TMEM163: variants seen among roughly 807,000 people sequenced by gnomAD.
TMEM163 encodes the protein transmembrane protein 163.
TMEM163 carries 17 observed loss-of-function variants against 29.3 expected under a neutral mutation model. The ratio of observed to expected loss-of-function variants is 0.58; its 90% CI spans 0.40 to 0.87. The LOEUF is 0.87. TMEM163 is among the 40% of genes least tolerant of loss of function. The pLI is 0.00. For synonymous variants in TMEM163, 157 were observed against 160.6 expected, an observed-to-expected ratio of 0.98 and a Z score of 0.17; for missense variants, 303 against 381.5, an observed-to-expected ratio of 0.79 and a Z score of 1.71.
rs1288804726 is a variant in TMEM163 at position 134,618,255 on chromosome 2, T to C, written c.323-66164A>G. Among the ~76,000 whole-genome samples, 3 of 152,286 alleles carry C rather than the reference T, an allele frequency of 2.0e-5. No individual in the cohort carries two copies. The East Asian group carries it at 5.8e-4, about 29-fold the overall frequency. The stretch of plus-strand genomic sequence containing the variant: ...GCAAGCAGTAACCATAAGAGACCTA[T>C]AGTGACTATCTTAATATCAGACAAA... On this transcript the variant is annotated intron_variant, in intron 2 of 7. Transcript: ENST00000281924.
chr2:134,560,925 C>A (rs192850380), intron 2 of TMEM163, among the ~76,000 whole-genome samples: 56 of 152,072 alleles, frequency 3.7e-4, no homozygotes, highest in African/African-American at 1.3e-3. Context: ...AGGTCTCACA[C>A]ACAGGAGTCA....
intron 5 of TMEM163, among the ~76,000 whole-genome samples, chr2:134,479,349 G>A (rs908090808): frequency 6.6e-6 from 1 of 152,154 alleles, no homozygotes; most frequent in Non-Finnish European, 1.5e-5. Context: ...TTTTCCAAGA[G>A]CTAGTAATGC....
At chr2:134,580,728 G>T (rs755519080) in intron 2 of TMEM163, among the ~76,000 whole-genome samples, 7 of 152,138 alleles carry the variant, frequency 4.6e-5, no homozygotes, top group Non-Finnish European at 8.8e-5. Flanking sequence ...CCTGGCCAAC[G>T]TGGTGAAACC....
rs187291256 is a variant in TMEM163 at position 134,671,812 on chromosome 2, C to G, written c.322+41388G>C. 9.0e-4 allele frequency among the ~76,000 whole-genome samples: 137 copies of G among 152,290 alleles called. 1 individual carries two copies. Among genetic ancestry groups the G allele is most frequent in the African/African-American group, 3.2e-3 (132 of 41,564 alleles). On this transcript the variant is annotated intron_variant, in intron 2 of 7. Coordinates refer to ENST00000281924, the MANE Select transcript of TMEM163 (RefSeq NM_030923.5). ...TCTGAGTCCAAATCCTAGCTCCACC[C>G]CTCTCTAGCTGTGACTTAGGACAAA...
chr2:134,523,115 C>T (rs1222332733), intron 4 of TMEM163, among the ~76,000 whole-genome samples: 6 of 152,146 alleles, frequency 3.9e-5, no homozygotes, highest in Non-Finnish European at 5.9e-5. Flanking sequence ...AAGACTGAAA[C>T]GTGTGTACAC....
chr2:134,688,416 C>T (rs1271892533), intron 2 of TMEM163, among the ~76,000 whole-genome samples: 10 of 152,126 alleles, frequency 6.6e-5, no homozygotes, highest in South Asian at 2.1e-4. Context: ...AGTCAATAAT[C>T]GACCTATGAC....
At chr2:134,584,254 A>G (rs911104649) in intron 2 of TMEM163, among the ~76,000 whole-genome samples, 2 of 152,234 alleles carry the variant, frequency 1.3e-5, no homozygotes, top group African/African-American at 4.8e-5. Context: ...GAACAATGAA[A>G]AACCTTGAAA....
chr2:134,532,724 C>T (rs1028603440), intron 4 of TMEM163, among the ~76,000 whole-genome samples: 2 of 152,158 alleles, frequency 1.3e-5, no homozygotes, highest in Non-Finnish European at 2.9e-5. Context: ...GCAGCTGTGC[C>T]CACACAGTGA....
intron 1 of TMEM163, among the ~76,000 whole-genome samples, chr2:134,717,082 TTGAACA>T (rs895395366): frequency 3.3e-5 from 5 of 152,212 alleles, no homozygotes; most frequent in Admixed American, 6.5e-5. Context: ...CTTTTTACAC[TTGAACA>T]TGAACTACAA....
intron 2 of TMEM163, among the ~76,000 whole-genome samples, chr2:134,678,856 C>T (rs1349401785): frequency 6.6e-6 from 1 of 152,178 alleles, no homozygotes; most frequent in Non-Finnish European, 1.5e-5. Context: ...CTATTTTGTT[C>T]TAACTTCAAG....
intron 2 of TMEM163, among the ~76,000 whole-genome samples, chr2:134,646,245 T>C (rs548077224): frequency 6.7e-6 from 1 of 149,446 alleles, no homozygotes; most frequent in African/African-American, 2.5e-5. Context: ...CCACCACATC[T>C]GGCGAATTTT....
At chr2:134,497,016 A>T (rs537355685) in intron 5 of TMEM163, among the ~76,000 whole-genome samples, 1 of 152,198 alleles carries the variant, frequency 6.6e-6, no homozygotes, top group South Asian at 2.1e-4. Context: ...CTTCCTTCAG[A>T]TGTCGCATGG....
intron 2 of TMEM163, among the ~76,000 whole-genome samples, chr2:134,701,016 G>A (rs1255774623): frequency 6.6e-6 from 1 of 151,476 alleles, no homozygotes; most frequent in Non-Finnish European, 1.5e-5. Flanking sequence ...CAGAAAACTA[G>A]ATGAATGCAG....
At chr2:134,656,537 C>G (rs529659175) in intron 2 of TMEM163, among the ~76,000 whole-genome samples, 3 of 152,164 alleles carry the variant, frequency 2.0e-5, no homozygotes, top group African/African-American at 7.2e-5. Context: ...AGCTGTAGAC[C>G]GGAGCTGTTC....
intron 6 of TMEM163, among the ~76,000 whole-genome samples, chr2:134,463,932 C>T (rs1186649891): frequency 6.6e-6 from 1 of 152,202 alleles, no homozygotes; most frequent in African/African-American, 2.4e-5. Flanking sequence ...AGGGCTTCAT[C>T]TGGAGCTTGA....
At chr2:134,606,358 A>G (rs981032917) in intron 2 of TMEM163, among the ~76,000 whole-genome samples, 2 of 150,544 alleles carry the variant, frequency 1.3e-5, no homozygotes, top group African/African-American at 4.9e-5. Context: ...AAAAAAAAAT[A>G]CTTCTGCCCT....
intron 4 of TMEM163, among the ~76,000 whole-genome samples, chr2:134,504,724 C>T (rs572787630): frequency 6.6e-6 from 1 of 152,298 alleles, no homozygotes; most frequent in South Asian, 2.1e-4. Flanking sequence ...CCATGATCCA[C>T]CAGGGGCAGA....
intron 5 of TMEM163, among the ~76,000 whole-genome samples, chr2:134,470,409 C>T (rs1479084130): frequency 2.0e-5 from 3 of 151,960 alleles, no homozygotes; most frequent in Non-Finnish European, 2.9e-5. Context: ...AAACAGGGCC[C>T]GGCACAGAGT....
intron 2 of TMEM163, among the ~76,000 whole-genome samples, chr2:134,627,793 T>C (rs542075321): frequency 6.6e-6 from 1 of 152,172 alleles, no homozygotes; most frequent in Non-Finnish European, 1.5e-5. Flanking sequence ...GAATACAATA[T>C]ACTTTTTCAA....
Sources: gnomAD v4.1 joint callset for allele counts (sites outside exome capture counted in the v4.1 genomes callset) on GRCh38, gnomAD v4.1.1 for gene constraint, MANE v1.5 for transcripts, NCBI Gene and HGNC (gene_info 2026-07-23, HGNC 2026-07-21) for gene names.